FOXP1: variants seen among roughly 807,000 people sequenced by gnomAD.
FOXP1 encodes the protein forkhead box protein P1.
In FOXP1, 15 loss-of-function variants were observed where a neutral mutation model predicts 98.2. The ratio of observed to expected loss-of-function variants is 0.15; its 90% CI spans 0.10 to 0.24. The LOEUF is 0.24. Ranked by LOEUF, FOXP1 falls within the 10% of genes least tolerant of loss-of-function variation. FOXP1 has a pLI of 1.00. For missense variants in FOXP1, 633 were observed against 848.5 expected (o/e 0.75, Z 3.15); for synonymous variants, 371 against 314.5 (o/e 1.18, Z -1.90).
chr3:71,027,519 G>A (rs555561333), intron 11 of FOXP1, among the ~76,000 whole-genome samples: 5 of 152,270 alleles, frequency 3.3e-5, no homozygotes, highest in Admixed American at 2.0e-4. Context: ...AGCACAAGAT[G>A]CCTCATTAAC....
At chr3:71,497,301 A>G (rs1321528758) in intron 2 of FOXP1, among the ~76,000 whole-genome samples, 3 of 152,206 alleles carry the variant, frequency 2.0e-5, no homozygotes, top group Non-Finnish European at 4.4e-5. Context: ...CTCTATAAGG[A>G]CATTCTAAAA....
intron 5 of FOXP1, among the ~76,000 whole-genome samples, chr3:71,250,463 C>G (rs1242428773): frequency 6.6e-6 from 1 of 152,136 alleles, no homozygotes; most frequent in Admixed American, 6.6e-5. Flanking sequence ...GCCACACATG[C>G]CTAGTGGCTG....
intron 4 of FOXP1, among the ~76,000 whole-genome samples, chr3:71,340,074 T>C (rs2076923224): frequency 6.6e-6 from 1 of 152,304 alleles, no homozygotes; most frequent in South Asian, 2.1e-4. Context: ...TGAGGAAGTA[T>C]CTTTTGATGC....
chr3:71,107,983 G>C (rs1360767658), intron 7 of FOXP1, among the ~76,000 whole-genome samples: 1 of 152,170 alleles, frequency 6.6e-6, no homozygotes, highest in Non-Finnish European at 1.5e-5. Flanking sequence ...TTCTAAGTGG[G>C]TTTCACTTTC....
At chr3:71,276,963 T>G (rs554513491) in intron 5 of FOXP1, among the ~76,000 whole-genome samples, 1 of 150,906 alleles carries the variant, frequency 6.6e-6, no homozygotes, top group Admixed American at 6.6e-5. Flanking sequence ...AACTTTTTTT[T>G]TTTTTTTTTT....
chr3:71,361,092 C>G (rs2078532484), intron 3 of FOXP1, among the ~76,000 whole-genome samples: 1 of 152,154 alleles, frequency 6.6e-6, no homozygotes, highest in South Asian at 2.1e-4. Flanking sequence ...GGCATTTTCC[C>G]TCTTGAGCAA....
chr3:71,425,431 A>G (rs569887207), intron 3 of FOXP1, among the ~76,000 whole-genome samples: 31 of 152,230 alleles, frequency 2.0e-4, no homozygotes, highest in Admixed American at 5.2e-4. Context: ...CAGCCATTTT[A>G]CTGTTCTTAA....
chr3:71,531,173 C>T (rs2043816942), intron 2 of FOXP1, among the ~76,000 whole-genome samples: 3 of 152,204 alleles, frequency 2.0e-5, no homozygotes, highest in South Asian at 4.1e-4. Context: ...GGGCCCAGGG[C>T]TCAGTGCAAT....
At position 71,580,885 on chromosome 3, in the gene FOXP1, G is replaced by T. The variant is rs920697690; in HGVS notation, c.-298+664C>A. ...CAAAGGGAATCCAGAATGCTCCTCCGGCATTCCTGTTTAAAGAGCAGTGAC... is the reference window on the plus strand; with the variant it reads ...CAAAGGGAATCCAGAATGCTCCTCCTGCATTCCTGTTTAAAGAGCAGTGAC... On this transcript the variant is annotated intron_variant, in intron 2 of 20. Coordinates refer to ENST00000649528, the MANE Select transcript of FOXP1 (RefSeq NM_001349338.3). The T allele has an allele frequency of 3.0e-6, 3 of 985,124 alleles. No individual in the cohort carries two copies. In the East Asian group the frequency reaches 3.4e-4, roughly 112 times the overall value. 61.0% of individuals were successfully genotyped at this position (985,124 alleles called of 1,614,324 possible). A position where few individuals can be genotyped will look rare whatever the true frequency, so the allele number is the denominator to read the frequency against.
intron 4 of FOXP1, among the ~76,000 whole-genome samples, chr3:71,325,171 G>A (rs546649125): frequency 1.1e-4 from 16 of 151,228 alleles, no homozygotes; most frequent in Admixed American, 6.0e-4. Flanking sequence ...TCCCACCTCA[G>A]TCTCCCAAGT....
chr3:71,486,823 C>T (rs1265196266), intron 3 of FOXP1, among the ~76,000 whole-genome samples: 2 of 152,166 alleles, frequency 1.3e-5, no homozygotes, highest in Non-Finnish European at 2.9e-5. Context: ...AAACAACATG[C>T]AATGGAGTTT....
intron 6 of FOXP1, among the ~76,000 whole-genome samples, chr3:71,144,860 C>T (rs765673625): frequency 5.9e-5 from 9 of 152,182 alleles, no homozygotes; most frequent in African/African-American, 1.4e-4. Context: ...CCCCTGGCCC[C>T]GGGCAACCAC....
At chr3:71,023,952 C>T (rs1342018876) in intron 11 of FOXP1, among the ~76,000 whole-genome samples, 1 of 152,218 alleles carries the variant, frequency 6.6e-6, no homozygotes. Flanking sequence ...TTCACAATCT[C>T]AAAGAGATGA....
At chr3:71,306,315 ATTG>A (rs1173634490) in intron 4 of FOXP1, among the ~76,000 whole-genome samples, 1 of 152,080 alleles carries the variant, frequency 6.6e-6, no homozygotes, top group Non-Finnish European at 1.5e-5. Flanking sequence ...GGGGAGTGCT[ATTG>A]TTGTATCTCC....
chr3:71,098,472 T>C (rs2056671604), intron 7 of FOXP1, among the ~76,000 whole-genome samples: 1 of 152,192 alleles, frequency 6.6e-6, no homozygotes, highest in Admixed American at 6.5e-5. Context: ...ATCAACCCAA[T>C]GAAAGATTTA....
chr3:71,087,340 A>C (rs568913586), intron 7 of FOXP1, among the ~76,000 whole-genome samples: 1 of 152,298 alleles, frequency 6.6e-6, no homozygotes, highest in Non-Finnish European at 1.5e-5. Context: ...CCAGAAATCC[A>C]ATGTTAATTG....
At position 71,583,724 on chromosome 3, in the gene FOXP1, A is replaced by T. The variant is rs2107921001; in HGVS notation, c.-600T>A. ...CCCGGGCGAGGGCCGGGCCGCCGCG[A>T]GTACAGCGTGCAACCGCCACACAAT... On this transcript the variant is annotated 5_prime_UTR_variant, in exon 1 of 21. Transcript: ENST00000649528. 1.0e-6 allele frequency: 1 copy of T among 985,034 alleles called. No homozygotes were observed. The highest frequency in any genetic ancestry group is 4.7e-5 in the South Asian group (1 of 21,446). 61.0% of individuals were successfully genotyped at this position (985,034 alleles called of 1,614,324 possible).
At chr3:71,315,904 G>GC (rs1408095186) in intron 4 of FOXP1, among the ~76,000 whole-genome samples, 1 of 152,170 alleles carries the variant, frequency 6.6e-6, no homozygotes, top group African/African-American at 2.4e-5. Context: ...TCACTTCCAG[G>GC]CCCCAGGTAT....
At chr3:71,055,177 T>C (rs1196129180) in intron 7 of FOXP1, among the ~76,000 whole-genome samples, 1 of 152,248 alleles carries the variant, frequency 6.6e-6, no homozygotes, top group Non-Finnish European at 1.5e-5. Context: ...ACAGTCATTA[T>C]GCACTGATGT....
Sources: gnomAD v4.1 joint callset for allele counts (sites outside exome capture counted in the v4.1 genomes callset) on GRCh38, gnomAD v4.1.1 for gene constraint, MANE v1.5 for transcripts, NCBI Gene and HGNC (gene_info 2026-07-23, HGNC 2026-07-21) for gene names.